Variants in TNRC6A observed in about 807,000 individuals in gnomAD.
TNRC6A encodes the protein trinucleotide repeat containing adaptor 6A.
In TNRC6A, 44 loss-of-function variants were observed where a neutral mutation model predicts 221.2. That is an observed-to-expected ratio of 0.20 (90% CI 0.16 to 0.26). The LOEUF is 0.26. Among genes scored for constraint, TNRC6A ranks in the 10% least tolerant of loss-of-function variants. The probability of loss-of-function intolerance (pLI) is 1.00; values close to 1 mark genes in which losing one functional copy is unlikely to be tolerated. For missense variants in TNRC6A, 2,199 were observed against 2,404.4 expected, an observed-to-expected ratio of 0.91 and a Z score of 1.79; for synonymous variants, 847 against 838.5, an observed-to-expected ratio of 1.01 and a Z score of -0.18.
intron 2 of TNRC6A, among the ~76,000 whole-genome samples, chr16:24,686,872 A>C (rs1441616435): frequency 6.6e-6 from 1 of 152,132 alleles, no homozygotes; most frequent in Non-Finnish European, 1.5e-5. Flanking sequence ...CAGTATTCTC[A>C]TCTGTAAAAT....
At chr16:24,612,107 GAAATA>G (rs1205102011) in intron 1 of TNRC6A, among the ~76,000 whole-genome samples, 1 of 151,942 alleles carries the variant, frequency 6.6e-6, no homozygotes, top group Non-Finnish European at 1.5e-5. Flanking sequence ...AAAATAAAAT[GAAATA>G]AAATAAAGTA....
intron 1 of TNRC6A, among the ~76,000 whole-genome samples, 198 bp downstream of exon 1, chr16:24,730,044 G>A (rs2056587003): frequency 6.7e-6 from 1 of 148,458 alleles, no homozygotes; most frequent in Non-Finnish European, 1.5e-5. Flanking sequence ...CGCGCCGCGG[G>A]GGCCAGGCCG....
At chr16:24,747,729 C>G (rs1355341369) in intron 2 of TNRC6A, among the ~76,000 whole-genome samples, 5 of 152,156 alleles carry the variant, frequency 3.3e-5, no homozygotes, top group African/African-American at 1.2e-4. Context: ...ACAAAACTTA[C>G]TCCCCTCTGT....
At chr16:24,656,462 A>C (rs559793162) in intron 2 of TNRC6A, among the ~76,000 whole-genome samples, 1 of 81,432 alleles carries the variant, frequency 1.2e-5, no homozygotes, top group Non-Finnish European at 3.1e-5. Flanking sequence ...GCGAGACTCC[A>C]TCTCAAAAAA....
Position 24,823,702 on chromosome 16 carries a change from G to A in TNRC6A, c.5784G>A (p.Leu1928=). 1 of 1,586,158 alleles carries A rather than the reference G, an allele frequency of 6.3e-7. No individual in the cohort carries two copies. The highest frequency in any genetic ancestry group is 8.6e-7 in the Non-Finnish European group (1 of 1,164,926). The change falls in exon 25 of 25, where the codon CTG becomes CTA. Residue 1928 remains leucine, a synonymous_variant. Coordinates refer to ENST00000395799, the MANE Select transcript of TNRC6A (RefSeq NM_014494.4). This position sits in a 1 kb window ranked among gnomAD's most constrained non-coding sequence, Gnocchi z 4.3. ...LWGTPHYSTS[L]WGPPSSSDPR... ...GGACCCCGCATTATTCCACAAGCCT[G>A]TGGGGTCCCCCAAGCAGCAGCGACC...
chr16:24,703,034 CAAAAA>C (rs1413048112), intron 2 of TNRC6A, among the ~76,000 whole-genome samples: 2 of 118,348 alleles, frequency 1.7e-5, no homozygotes, highest in African/African-American at 6.6e-5. Flanking sequence ...GACTCTGTGT[CAAAAA>C]TAAAATAAAA....
At chr16:24,733,462 CATT>C (rs2056691234) in intron 2 of TNRC6A, among the ~76,000 whole-genome samples, 1 of 152,166 alleles carries the variant, frequency 6.6e-6, no homozygotes, top group Non-Finnish European at 1.5e-5. Context: ...AAAATTGTCA[CATT>C]ATGTTAGTAT....
At chr16:24,705,686 A>T (rs1335332564) in intron 2 of TNRC6A, among the ~76,000 whole-genome samples, 1 of 152,210 alleles carries the variant, frequency 6.6e-6, no homozygotes, top group Non-Finnish European at 1.5e-5. Context: ...CCTTTCTTAG[A>T]GACTACAAGA....
intron 1 of TNRC6A, among the ~76,000 whole-genome samples, chr16:24,632,965 C>T (rs906990309): frequency 8.7e-5 from 13 of 149,882 alleles, no homozygotes; most frequent in South Asian, 2.1e-4. Context: ...GTCGAGATTG[C>T]GCCATTGCAC....
chr16:24,732,336 A>G (rs2547033), intron 2 of TNRC6A, among the ~76,000 whole-genome samples: 104,342 of 152,108 alleles, frequency 0.69, 36,121 homozygotes, highest in Non-Finnish European at 0.73. Context: ...TTGAGTAACC[A>G]TTTTTTGAGC....
intron 1 of TNRC6A, among the ~76,000 whole-genome samples, chr16:24,621,267 T>C (rs374638639): frequency 3.2e-4 from 49 of 151,120 alleles, no homozygotes; most frequent in Non-Finnish European, 5.9e-4. Flanking sequence ...GTCTCAATAA[T>C]GGTTCAAGGG....
chr16:24,694,410 C>T (rs1326136033), intron 2 of TNRC6A, among the ~76,000 whole-genome samples: 2 of 152,120 alleles, frequency 1.3e-5, no homozygotes, highest in East Asian at 3.9e-4. Flanking sequence ...AATCCCAGCA[C>T]TTTGGGAGGC....
Position 24,729,682 on chromosome 16 carries a change from T to TGGCG in TNRC6A, c.-159_-158insGCGG, listed in dbSNP as rs1555495616. 1 of 677,612 alleles carries TGGCG rather than the reference T, an allele frequency of 1.5e-6. No homozygotes were observed. The highest frequency in any genetic ancestry group is 2.0e-6 in the Non-Finnish European group (1 of 501,572). The allele number at this position is 677,612 out of a possible 1,614,324, so 42.0% of individuals were successfully genotyped here. A position where few individuals can be genotyped will look rare whatever the true frequency, so the allele number is the denominator to read the frequency against. On this transcript the variant is annotated 5_prime_UTR_variant, in exon 1 of 25. Coordinates refer to ENST00000395799, the MANE Select transcript of TNRC6A (RefSeq NM_014494.4). ...GGTCTGGGGCCTGCGGCGGCGGCGG[T>TGGCG]GTCGGCGGCGGCGGCGGCGGCGGCG...
rs549883835 is a variant in TNRC6A at position 24,614,694 on chromosome 16, C to G, written n.276+4210C>G. ...AACTCAATGCCTTCAGTGTTCTAGG[C>G]AAGGCAAGAGCACATGCAAAGGCCC... On this transcript the variant is annotated intron_variant and non_coding_transcript_variant, in intron 1 of 2. Coordinates refer to the TNRC6A transcript ENST00000566108. 6.6e-5 allele frequency among the ~76,000 whole-genome samples: 10 copies of G among 152,262 alleles called. No homozygotes were observed. The South Asian group carries it at 2.1e-3, about 32-fold the overall frequency.
intron 2 of TNRC6A, among the ~76,000 whole-genome samples, chr16:24,739,417 A>G (rs1478044544): frequency 1.3e-5 from 2 of 151,466 alleles, no homozygotes; most frequent in Non-Finnish European, 2.9e-5. Flanking sequence ...CTTAGATACA[A>G]GTCCCTTATT....
intron 18 of TNRC6A, among the ~76,000 whole-genome samples, chr16:24,812,126 T>A (rs1241046517): frequency 2.1e-5 from 3 of 140,264 alleles, no homozygotes; most frequent in Non-Finnish European, 4.5e-5. Flanking sequence ...CTCTGCTCAC[T>A]GCAACCCTCG....
chr16:24,772,974 G>A (rs1181983036), intron 4 of TNRC6A, among the ~76,000 whole-genome samples: 6 of 151,974 alleles, frequency 3.9e-5, no homozygotes, highest in African/African-American at 1.5e-4. Flanking sequence ...TTATAGATTT[G>A]AACATAAATA....
chr16:24,818,731 G>T, intron 21 of TNRC6A, 31 bp downstream of exon 21: 2 of 1,552,244 alleles, frequency 1.3e-6, no homozygotes, highest in Admixed American at 1.7e-5. Context: ...GGAAGGGAGG[G>T]TTGGTCACAG....
chr16:24,822,623 A>G (rs932960715), intron 23 of TNRC6A, among the ~76,000 whole-genome samples: 3 of 152,114 alleles, frequency 2.0e-5, no homozygotes, highest in Non-Finnish European at 4.4e-5. Context: ...AAGAGAGAAG[A>G]CATGGAGCCA....
Sources: gnomAD v4.1 joint callset for allele counts (sites outside exome capture counted in the v4.1 genomes callset) on GRCh38, gnomAD v4.1.1 for gene constraint, Gnocchi (gnomAD v3.1) non-coding constraint, MANE v1.5 for transcripts, NCBI Gene and HGNC (gene_info 2026-07-23, HGNC 2026-07-21) for gene names.